The following SMG6 variants were observed in gnomAD, a reference collection of about 807,000 sequenced individuals.
SMG6 encodes SMG6 nonsense mediated mRNA decay factor, also known as telomerase-binding protein EST1A.
In SMG6, 66 loss-of-function variants were observed where a neutral mutation model predicts 142.2. That is an observed-to-expected ratio of 0.46 (90% CI 0.38 to 0.57). The LOEUF is 0.57. SMG6 is among the 20% of genes least tolerant of loss of function. The probability of loss-of-function intolerance (pLI) is 0.00; values close to 1 mark genes in which losing one functional copy is unlikely to be tolerated. For synonymous variants in SMG6, 779 were observed against 702.4 expected (o/e 1.11, Z -1.72); for missense variants, 1,793 against 1,832.0 (o/e 0.98, Z 0.39).
chr17:2,086,591 G>A (rs1450394336), intron 13 of SMG6, among the ~76,000 whole-genome samples: 1 of 152,204 alleles, frequency 6.6e-6, no homozygotes, highest in African/African-American at 2.4e-5. Flanking sequence ...GGCCACATCA[G>A]CACACAAGTC....
chr17:2,170,412 T>C (rs375800478), intron 13 of SMG6, among the ~76,000 whole-genome samples: 30 of 152,342 alleles, frequency 2.0e-4, no homozygotes, highest in South Asian at 1.7e-3. Context: ...ACAGCTTCAA[T>C]AGCGAACTCC....
intron 3 of SMG6, 63 bp from the exon 4 acceptor site, chr17:2,297,416 A>C: frequency 1.7e-6 from 2 of 1,209,488 alleles, no homozygotes; most frequent in Non-Finnish European, 2.3e-6. Context: ...TCCACCAAAA[A>C]CCGGGGCAGA....
chr17:2,255,482 G>C (rs2074151534), intron 8 of SMG6, among the ~76,000 whole-genome samples: 1 of 150,154 alleles, frequency 6.7e-6, no homozygotes, highest in South Asian at 2.1e-4. Context: ...GAAGTGACAT[G>C]AGCAAACCTG....
At chr17:2,094,872 GT>G (rs1427142165) in intron 13 of SMG6, 1 of 152,186 alleles carries the variant, frequency 6.6e-6, no homozygotes, top group Non-Finnish European at 1.5e-5. Context: ...TTCTTGAACT[GT>G]TCCTTCATGG....
chr17:2,131,299 ATTT>A (rs201040820), intron 13 of SMG6, among the ~76,000 whole-genome samples: 2 of 146,326 alleles, frequency 1.4e-5, no homozygotes, highest in Non-Finnish European at 1.5e-5. Flanking sequence ...CTCAGAAATG[ATTT>A]TTTTTTTTTT....
At chr17:2,086,969 T>G in intron 13 of SMG6, 1 of 1,276,088 alleles carries the variant, frequency 7.8e-7, no homozygotes, top group African/African-American at 1.5e-5. Context: ...CCCTTCATCC[T>G]CACTGACTAG....
At chr17:2,247,727 G>A (rs949489976) in intron 8 of SMG6, among the ~76,000 whole-genome samples, 1 of 152,118 alleles carries the variant, frequency 6.6e-6, no homozygotes, top group Non-Finnish European at 1.5e-5. Context: ...AGACTGCAGT[G>A]AGCCATGATT....
chr17:2,194,641 G>A (rs1277006946), intron 10 of SMG6, among the ~76,000 whole-genome samples: 1 of 150,578 alleles, frequency 6.6e-6, no homozygotes, highest in Non-Finnish European at 1.5e-5. Context: ...TGAGAGCCCA[G>A]TAGTTCAAGA....
chr17:2,131,074 C>A (rs2070106076), intron 13 of SMG6, among the ~76,000 whole-genome samples: 2 of 152,152 alleles, frequency 1.3e-5, no homozygotes, highest in Admixed American at 6.5e-5. Flanking sequence ...AAATTATAAG[C>A]TCTGGCTTAT....
chr17:2,099,525 AC>A (rs1405000725), intron 13 of SMG6, among the ~76,000 whole-genome samples: 1 of 152,026 alleles, frequency 6.6e-6, no homozygotes, highest in Admixed American at 6.6e-5. Flanking sequence ...AAGAACCCCC[AC>A]AGCATATTAA....
chr17:2,137,367 T>G (rs1190053746), intron 13 of SMG6, among the ~76,000 whole-genome samples: 1 of 152,122 alleles, frequency 6.6e-6, no homozygotes, highest in African/African-American at 2.4e-5. Flanking sequence ...ACCCTAACCT[T>G]GATGACCCCC....
At chr17:2,162,714 T>C (rs534933496) in intron 13 of SMG6, among the ~76,000 whole-genome samples, 106 of 152,220 alleles carry the variant, frequency 7.0e-4, no homozygotes, top group African/African-American at 2.6e-3. Flanking sequence ...CAGTCATCCA[T>C]CTACCTATCA....
chr17:2,250,713 T>C (rs889385526), intron 8 of SMG6, among the ~76,000 whole-genome samples: 2 of 152,110 alleles, frequency 1.3e-5, no homozygotes, highest in African/African-American at 4.8e-5. Context: ...CAAAACTTTC[T>C]TGCATTTTAG....
chr17:2,124,858 G>C (rs2069820218), intron 13 of SMG6, among the ~76,000 whole-genome samples: 1 of 152,132 alleles, frequency 6.6e-6, no homozygotes, highest in African/African-American at 2.4e-5. Context: ...GCATCTCTTA[G>C]ACTGCTGACC....
chr17:2,131,795 A>G (rs1022951904), intron 13 of SMG6, among the ~76,000 whole-genome samples: 4 of 152,180 alleles, frequency 2.6e-5, no homozygotes, highest in African/African-American at 9.6e-5. Context: ...GCACGGTGGC[A>G]CACGCCTGTA....
chr17:2,291,244 T>C (rs369333246), intron 6 of SMG6, among the ~76,000 whole-genome samples: 2 of 150,646 alleles, frequency 1.3e-5, no homozygotes, highest in East Asian at 3.9e-4. Flanking sequence ...GGCAGGAGAA[T>C]GGCGTGAACC....
At chr17:2,165,283 GA>G (rs11354589) in intron 13 of SMG6, among the ~76,000 whole-genome samples, 50,523 of 146,304 alleles carry the variant, frequency 0.35, 8,874 homozygotes, top group African/African-American at 0.46. Flanking sequence ...GAAAGAGACT[GA>G]AAAAAAAAAA....
chr17:2,238,221 G>C (rs2073715359), intron 9 of SMG6, among the ~76,000 whole-genome samples: 3 of 152,130 alleles, frequency 2.0e-5, no homozygotes, highest in Admixed American at 2.0e-4. Context: ...ACAGTTATGG[G>C]TCAATTACAG....
At chr17:2,118,267 G>A (rs147761027) in intron 13 of SMG6, among the ~76,000 whole-genome samples, 192 of 151,120 alleles carry the variant, frequency 1.3e-3, no homozygotes, top group Non-Finnish European at 2.3e-3. Context: ...AATGGGCGCA[G>A]TGGCTCATGC....
Sources: allele counts gnomAD v4.1 joint callset (sites outside exome capture counted in the v4.1 genomes callset), GRCh38; gene constraint gnomAD v4.1.1; transcripts MANE v1.5; gene names NCBI Gene and HGNC (gene_info 2026-07-23, HGNC 2026-07-21).